Variants in DRC8 observed in about 807,000 individuals in gnomAD.
The protein encoded by DRC8 is dynein regulatory complex protein 8.
the DRC8 span, among the ~76,000 whole-genome samples, chr1:245,055,285 C>T: frequency 1.3e-5 from 2 of 152,088 alleles, no homozygotes; most frequent in Non-Finnish European, 2.9e-5. Context: ...TTTTTACTTC[C>T]TTTTTAAAAA....
the DRC8 span, among the ~76,000 whole-genome samples, chr1:245,021,130 C>T: frequency 6.6e-6 from 1 of 152,020 alleles, no homozygotes; most frequent in Non-Finnish European, 1.5e-5. Context: ...AAATTAACAA[C>T]TATTTATGTA....
At chr1:244,969,812 G>A in the DRC8 span, 2 of 352,272 alleles carry the variant, frequency 5.7e-6, no homozygotes, top group African/African-American at 2.2e-5. Flanking sequence ...AAGACTGGAC[G>A]GGAGAAACCG....
the DRC8 span, among the ~76,000 whole-genome samples, chr1:245,090,043 A>G: frequency 6.6e-6 from 1 of 152,212 alleles, no homozygotes; most frequent in South Asian, 2.1e-4. Flanking sequence ...GAAACCCTGG[A>G]AGATTTTGTG....
chr1:245,100,488 T>C, the DRC8 span, among the ~76,000 whole-genome samples: 1 of 151,514 alleles, frequency 6.6e-6, no homozygotes, highest in African/African-American at 2.4e-5. Context: ...CTTAAAAAAA[T>C]ACTATACAGA....
At chr1:244,996,622 A>G in the DRC8 span, among the ~76,000 whole-genome samples, 226 of 152,326 alleles carry the variant, frequency 1.5e-3, no homozygotes, top group African/African-American at 4.9e-3. Flanking sequence ...CCCCAGTTGA[A>G]GTTTAAAGAG....
chr1:245,073,295 C>G, the DRC8 span, among the ~76,000 whole-genome samples: 1 of 152,098 alleles, frequency 6.6e-6, no homozygotes, highest in Non-Finnish European at 1.5e-5. Flanking sequence ...ACCACCACAC[C>G]CAGCTAATTT....
chr1:245,045,007 A>T, the DRC8 span, among the ~76,000 whole-genome samples: 1 of 151,914 alleles, frequency 6.6e-6, no homozygotes, highest in African/African-American at 2.4e-5. Context: ...GCTTTAATTT[A>T]ATTGAATTTA....
the DRC8 span, among the ~76,000 whole-genome samples, chr1:244,996,934 T>C: frequency 1.3e-5 from 2 of 152,182 alleles, no homozygotes; most frequent in African/African-American, 4.8e-5. Flanking sequence ...CTGAAGTCCC[T>C]TACATAAAAT....
the DRC8 span, among the ~76,000 whole-genome samples, chr1:245,114,179 C>T: frequency 3.3e-5 from 5 of 152,042 alleles, no homozygotes; most frequent in East Asian, 7.8e-4. Flanking sequence ...AAATTGTCTG[C>T]CTGGGCCGGG....
the DRC8 span, among the ~76,000 whole-genome samples, chr1:245,008,929 G>A: frequency 6.6e-6 from 1 of 150,840 alleles, no homozygotes; most frequent in Non-Finnish European, 1.5e-5. Flanking sequence ...CTCAAGCAGT[G>A]CCCCCAGCCT....
chr1:245,117,744 G>T, the DRC8 span, among the ~76,000 whole-genome samples: 3 of 152,232 alleles, frequency 2.0e-5, no homozygotes, highest in South Asian at 6.2e-4. Context: ...CAAGGCAAGC[G>T]GATCGCTTGA....
At chr1:245,009,023 C>CTTT in the DRC8 span, among the ~76,000 whole-genome samples, 1 of 86,516 alleles carries the variant, frequency 1.2e-5, no homozygotes, top group African/African-American at 4.5e-5. Flanking sequence ...AAGGATTATG[C>CTTT]TTTTCTTTTT....
chr1:244,986,031 C>T, the DRC8 span, among the ~76,000 whole-genome samples: 3 of 151,744 alleles, frequency 2.0e-5, no homozygotes, highest in Non-Finnish European at 4.4e-5. Flanking sequence ...TCTCAGCTCA[C>T]CACAACCTCC....
chr1:245,090,693 T>C, the DRC8 span, among the ~76,000 whole-genome samples: 1,370 of 152,186 alleles, frequency 9.0e-3, 23 homozygotes, highest in African/African-American at 0.032. Flanking sequence ...CGTTTTTTTT[T>C]TTTGGTCAGC....
the DRC8 span, among the ~76,000 whole-genome samples, chr1:245,037,399 T>C: frequency 6.6e-6 from 1 of 152,210 alleles, no homozygotes; most frequent in Non-Finnish European, 1.5e-5. Flanking sequence ...GGATCATCTC[T>C]ATAGAGGCAT....
At chr1:245,007,654 CTG>C in the DRC8 span, among the ~76,000 whole-genome samples, 1 of 152,102 alleles carries the variant, frequency 6.6e-6, no homozygotes, top group Non-Finnish European at 1.5e-5. Flanking sequence ...TTCAACTTTT[CTG>C]TGTGTTTGAA....
the DRC8 span, among the ~76,000 whole-genome samples, chr1:245,025,329 C>T: frequency 2.4e-4 from 36 of 152,138 alleles, no homozygotes; most frequent in Non-Finnish European, 2.9e-4. Flanking sequence ...ACCACAAGTC[C>T]GTAGAGACAG....
the DRC8 span, among the ~76,000 whole-genome samples, chr1:245,039,115 T>C: frequency 3.4e-5 from 5 of 147,878 alleles, no homozygotes; most frequent in African/African-American, 1.3e-4. Flanking sequence ...TTATTCACAA[T>C]AGCCAATATA....
the DRC8 span, among the ~76,000 whole-genome samples, chr1:245,071,884 G>C: frequency 4.4e-4 from 67 of 152,204 alleles, no homozygotes; most frequent in Non-Finnish European, 9.0e-4. Context: ...GTCATTACAA[G>C]TATGTCGTGA....
Sources: gnomAD v4.1 joint callset for allele counts (sites outside exome capture counted in the v4.1 genomes callset) on GRCh38, gnomAD v4.1.1 for gene constraint, MANE v1.5 for transcripts, NCBI Gene and HGNC (gene_info 2026-07-23, HGNC 2026-07-21) for gene names.